Variants in CCM2 observed in about 807,000 individuals in gnomAD.
CCM2 encodes CCM2 scaffold protein, also known as cerebral cavernous malformations 2 protein.
In CCM2, 25 loss-of-function variants were observed where a neutral mutation model predicts 44.9. The ratio of observed to expected loss-of-function variants is 0.56; its 90% CI spans 0.41 to 0.78. The LOEUF is 0.78. Ranked by LOEUF, CCM2 falls within the 30% of genes least tolerant of loss-of-function variation. CCM2 has a pLI of 0.00. For synonymous variants in CCM2, 219 were observed against 241.1 expected, an observed-to-expected ratio of 0.91 and a Z score of 0.85; for missense variants, 481 against 580.6, an observed-to-expected ratio of 0.83 and a Z score of 1.76.
chr7:45,005,595 T>G (rs1298592587), intron 1 of CCM2, among the ~76,000 whole-genome samples: 1 of 152,232 alleles, frequency 6.6e-6, no homozygotes, highest in East Asian at 1.9e-4. Flanking sequence ...CCTATAAACC[T>G]AACTATTGAG....
intron 2 of CCM2, among the ~76,000 whole-genome samples, chr7:45,051,383 GTATTTATTTATTTATT>G (rs71565942): frequency 3.7e-4 from 55 of 150,634 alleles, no homozygotes; most frequent in East Asian, 1.4e-3. Context: ...GGATGCTTGG[GTATTTATTTATTTATT>G]TATTTATTTA....
chr7:45,072,821 G>A lies in CCM2; in HGVS notation c.803+38G>A, dbSNP rs377165521. Reference sequence around the variant, plus strand: ...GCCACCAAGCCCTGCGGTGGGACACGCACCAAATGCGTTGTCTGGTGTTGT... The same window carrying A: ...GCCACCAAGCCCTGCGGTGGGACACACACCAAATGCGTTGTCTGGTGTTGT... On this transcript the variant is annotated intron_variant, in intron 7 of 9. Transcript: ENST00000258781. The A allele has an allele frequency of 1.4e-5, 22 of 1,545,362 alleles. No homozygotes were observed. In the Admixed American group the frequency reaches 2.0e-4, roughly 14 times the overall value.
At chr7:45,037,418 CTTT>C (rs11424221) in intron 1 of CCM2, among the ~76,000 whole-genome samples, 1 of 112,094 alleles carries the variant, frequency 8.9e-6, no homozygotes. Flanking sequence ...TCTCCCCCTA[CTTT>C]TTTTTTTTTT....
At chr7:45,048,861 A>G (rs1268440992) in intron 2 of CCM2, among the ~76,000 whole-genome samples, 1 of 152,202 alleles carries the variant, frequency 6.6e-6, no homozygotes, top group Non-Finnish European at 1.5e-5. Context: ...CCTAGTGACT[A>G]TGAATGGACT....
chr7:45,052,277 T>C (rs1798049530), intron 2 of CCM2, among the ~76,000 whole-genome samples: 1 of 152,214 alleles, frequency 6.6e-6, no homozygotes. Flanking sequence ...CTGGTTGGTC[T>C]CTTGGAGGGG....
intron 2 of CCM2, among the ~76,000 whole-genome samples, chr7:45,047,192 A>G (rs1045850779): frequency 6.6e-6 from 1 of 152,202 alleles, no homozygotes; most frequent in Non-Finnish European, 1.5e-5. Context: ...ACTACGAACA[A>G]CTTGGCAATT....
At chr7:45,075,651 T>G (rs1784195951) in intron 9 of CCM2, 126 bp from the exon 10 acceptor site, 2 of 1,161,238 alleles carry the variant, frequency 1.7e-6, no homozygotes, top group East Asian at 4.7e-5. Context: ...GAGCATGGCA[T>G]CAGGGTCCCC....
At chr7:45,072,485 G>A (rs1406658697) in intron 6 of CCM2, 4 of 620,412 alleles carry the variant, frequency 6.4e-6, no homozygotes, top group South Asian at 1.8e-5. Flanking sequence ...TCAGCCCAGC[G>A]TGCAGCAGGA....
intron 1 of CCM2, among the ~76,000 whole-genome samples, chr7:45,019,959 C>T (rs1796419373): frequency 6.6e-6 from 1 of 152,176 alleles, no homozygotes; most frequent in African/African-American, 2.4e-5. Context: ...GTTCAGGGTT[C>T]AGCCAAAGAT....
At chr7:45,072,375 C>T (rs888586049) in intron 6 of CCM2, 60 of 422,174 alleles carry the variant, frequency 1.4e-4, no homozygotes, top group Non-Finnish European at 1.4e-4. Flanking sequence ...GTGATATATG[C>T]CTGGGTTAAA....
chr7:45,031,334 A>G (rs1251114097), intron 1 of CCM2, among the ~76,000 whole-genome samples: 1 of 147,266 alleles, frequency 6.8e-6, no homozygotes, highest in Non-Finnish European at 1.5e-5. Context: ...GTGAGCCGAG[A>G]TCACACCACT....
In CCM2 at chr7:45,069,975, G is replaced by T. The variant is rs374557416; in HGVS notation, c.745+14G>T. On this transcript the variant is annotated intron_variant, in intron 6 of 9. Transcript: ENST00000258781. Reference sequence around the variant, plus strand: ...CCCTGCACAGCGGTATGTTGAGTGAGAGTGGGCAGCGGGTGGGAGCAGGGA... The same window carrying T: ...CCCTGCACAGCGGTATGTTGAGTGATAGTGGGCAGCGGGTGGGAGCAGGGA... 6.2e-7 allele frequency: 1 copy of T among 1,613,256 alleles called. No homozygotes were observed. The highest frequency in any genetic ancestry group is 1.3e-5 in the African/African-American group (1 of 74,954).
rs1798687074 is a variant in CCM2 at position 45,064,654 on chromosome 7, A to T, written c.472+8A>T. On this transcript the variant is annotated splice_region_variant and intron_variant, in intron 4 of 9. Transcript: ENST00000258781. ...TGGTGGTCCTGAAGACAGGTACAGG[A>T]GGTCAGGGGTCAGGAGGGTCCTTGT... is the stretch of plus-strand genomic sequence containing the variant. The T allele has an allele frequency of 3.1e-6, 5 of 1,613,532 alleles. No homozygotes were observed. Among genetic ancestry groups the T allele is most frequent in the Non-Finnish European group, 4.2e-6 (5 of 1,179,990 alleles).
At chr7:45,036,554 A>G (rs560129967) in intron 1 of CCM2, among the ~76,000 whole-genome samples, 5 of 152,238 alleles carry the variant, frequency 3.3e-5, no homozygotes, top group African/African-American at 1.2e-4. Flanking sequence ...CCCCAGCCTC[A>G]TTAGGGAGGC....
chr7:45,028,216 C>G lies in CCM2; in HGVS notation c.31-10037C>G, dbSNP rs189956536. Among the ~76,000 whole-genome samples, 994 of 152,304 alleles carry G rather than the reference C, an allele frequency of 6.5e-3. 16 individuals are homozygous for G. Among genetic ancestry groups the G allele is most frequent in the African/African-American group, 0.022 (935 of 41,564 alleles). On this transcript the variant is annotated intron_variant, in intron 1 of 9. Coordinates refer to ENST00000258781, the MANE Select transcript of CCM2 (RefSeq NM_031443.4). The stretch of plus-strand genomic sequence containing the variant: ...CAAAGCTGGAATTTCATCCACGAAG[C>G]CTGCAACACTAGTGGGGTTCTGCTT...
intron 1 of CCM2, among the ~76,000 whole-genome samples, chr7:45,034,607 T>C (rs1189356719): frequency 3.1e-5 from 4 of 128,698 alleles, no homozygotes; most frequent in African/African-American, 1.2e-4. Flanking sequence ...CAACCTCCGC[T>C]TCCCCGGTTC....
In CCM2 at chr7:45,004,222, G is replaced by C. The variant is rs377338187; in HGVS notation, c.30+3859G>C. 4.6e-5 allele frequency among the ~76,000 whole-genome samples: 7 copies of C among 152,250 alleles called. No individual in the cohort carries two copies. The South Asian group carries it at 1.2e-3, about 27-fold the overall frequency. On this transcript the variant is annotated intron_variant, in intron 1 of 9. Transcript: ENST00000258781. ...AAAGTTCCCTAGAAATGTAGGACTA[G>C]ATATTAAATAATAAATAAGGAATTA...
rs1799204513 is a variant in CCM2 at position 45,073,733 on chromosome 7, CT to C, written c.915+163del. On this transcript the variant is annotated intron_variant, in intron 8 of 9. Coordinates refer to ENST00000258781, the MANE Select transcript of CCM2 (RefSeq NM_031443.4). ...ATTTTGCTGACATCACTGCCTTTTC[CT>C]GGGGATAGTCTAGGAGAGCATCAGT... 12 of 614,994 alleles carry C rather than the reference CT, an allele frequency of 2.0e-5. No individual in the cohort carries two copies. In the East Asian group the frequency reaches 3.3e-4, roughly 17 times the overall value. 38.1% of individuals were successfully genotyped at this position (614,994 alleles called of 1,614,324 possible).
intron 6 of CCM2, chr7:45,072,466 A>T: frequency 3.4e-6 from 2 of 594,350 alleles, no homozygotes; most frequent in Non-Finnish European, 6.1e-6. Context: ...CCATGGGTGA[A>T]TGTGTACTTC....
Sources: allele counts gnomAD v4.1 joint callset (sites outside exome capture counted in the v4.1 genomes callset), GRCh38; gene constraint gnomAD v4.1.1; transcripts MANE v1.5; gene names NCBI Gene and HGNC (gene_info 2026-07-23, HGNC 2026-07-21).